Variants in CYBA observed in about 807,000 individuals in gnomAD.
CYBA encodes cytochrome b-245 light chain.
A neutral mutation model predicts 20.8 loss-of-function variants in CYBA; 21 were observed. That is an observed-to-expected ratio of 1.01 (90% CI 0.72 to 1.46). The LOEUF (loss-of-function observed/expected upper bound fraction) is 1.46. Ranked by LOEUF, CYBA falls within the 40% of genes most tolerant of loss-of-function variation. The pLI is 0.00. For missense variants in CYBA, 344 were observed against 287.0 expected (o/e 1.20, Z -1.43); for synonymous variants, 164 against 127.5 (o/e 1.29, Z -1.93).
intron 1 of CYBA, 168 bp downstream of exon 1, chr16:88,650,788 G>A (rs1907493621): frequency 5.8e-6 from 4 of 694,254 alleles, no homozygotes; most frequent in East Asian, 2.7e-5. Context: ...TCCAGCCCGC[G>A]GCCTGAGGGT....
Position 88,646,768 on chromosome 16 carries a change from C to A in CYBA, c.274G>T (p.Val92Phe). The A allele has an allele frequency of 6.2e-7, 1 of 1,613,820 alleles. No homozygotes were observed. The highest frequency in any genetic ancestry group is 8.5e-7 in the Non-Finnish European group (1 of 1,179,862). The change falls in exon 4 of 6, where the codon GTC becomes TTC. Residue 92 changes from valine (V) to phenylalanine (F), a missense_variant. Transcript: ENST00000261623. ...PFTRNYYVRA[V>F]LHLLLSVPAG... Reference sequence around the variant, plus strand: ...ACGGGGACTCACAGGAGATGCAGGACGGCCCGAACATAGTAATTCCTGGTA... The same window carrying A: ...ACGGGGACTCACAGGAGATGCAGGAAGGCCCGAACATAGTAATTCCTGGTA...
At position 88,646,840 on chromosome 16, in the gene CYBA, T is replaced by G. The variant is rs113932941; in HGVS notation, c.204-2A>C. On this transcript the variant is annotated splice_acceptor_variant, in intron 3 of 5. Transcript: ENST00000261623. LOFTEE classifies it high-confidence loss of function. The stretch of plus-strand genomic sequence containing the variant: ...ACGGCGGTCATGTACTTCTGTCCCC[T>G]GGGGGAGGGAGGAAGGCGAGACGGC... The G allele has an allele frequency of 6.2e-7, 1 of 1,611,876 alleles. No individual in the cohort carries two copies. Among genetic ancestry groups the G allele is most frequent in the South Asian group, 1.1e-5 (1 of 91,066 alleles).
chr16:88,648,116 T>G lies in CYBA; in HGVS notation c.59-2A>C. The stretch of plus-strand genomic sequence containing the variant: ...CCACGATGCCCCCGGTGATGAGGAC[T>G]GCGGGGAGAAGTGGGTCAGGCACTG... On this transcript the variant is annotated splice_acceptor_variant, in intron 1 of 5. Transcript: ENST00000261623. LOFTEE classifies it high-confidence loss of function. 1 of 1,610,592 alleles carries G rather than the reference T, an allele frequency of 6.2e-7. No homozygotes were observed. Among genetic ancestry groups the G allele is most frequent in the Non-Finnish European group, 8.5e-7 (1 of 1,179,192 alleles).
At chr16:88,648,466 G>A (rs1483087086) in intron 1 of CYBA, among the ~76,000 whole-genome samples, 3 of 152,226 alleles carry the variant, frequency 2.0e-5, no homozygotes, top group Non-Finnish European at 2.9e-5. Context: ...AACAGGCCGA[G>A]TGTGGTTTCT....
At chr16:88,650,893 C>G (rs1423650951) in intron 1 of CYBA, 63 bp downstream of exon 1, 1 of 1,520,238 alleles carries the variant, frequency 6.6e-7, no homozygotes, top group South Asian at 1.2e-5. Flanking sequence ...GCCCGAGGTC[C>G]CGGCTGGGGT....
At position 88,643,594 on chromosome 16, in the gene CYBA, G is replaced by C. The variant is rs527875741; in HGVS notation, c.370-23C>G. 5.1e-5 allele frequency: 78 copies of C among 1,528,604 alleles called. No homozygotes were observed. The Middle Eastern group carries it at 6.9e-4, about 14-fold the overall frequency. The allele number at this position is 1,528,604 out of a possible 1,614,324, so 94.7% of individuals were successfully genotyped here. ...CGCCTGCGGGGCACTGAAGGGTTGA[G>C]CCGCGCCCCAGCGCCCGCCCTCCCT... On this transcript the variant is annotated intron_variant, in intron 5 of 5. Coordinates refer to ENST00000261623, the MANE Select transcript of CYBA (RefSeq NM_000101.4). This position sits in a 1 kb window ranked among gnomAD's most constrained non-coding sequence, Gnocchi z 4.3.
chr16:88,648,250 C>G, intron 1 of CYBA, 136 bp from the exon 2 acceptor site: 2 of 793,066 alleles, frequency 2.5e-6, no homozygotes, highest in Non-Finnish European at 4.2e-6. Flanking sequence ...GTGACAGGGT[C>G]GGGGACACCC....
Position 88,648,095 on chromosome 16 carries a change from G to C in CYBA, c.78C>G (p.Ile26Met), listed in dbSNP as rs759139349. Residue 26 changes from isoleucine (I) to methionine (M), a missense_variant, in exon 2 of 6, where the codon ATC becomes ATG. Ile to Met is a conservative substitution (Grantham distance 10). Coordinates refer to ENST00000261623, the MANE Select transcript of CYBA (RefSeq NM_000101.4). ...GGGTGAAGCGCCCAGCTGTGGCCAC[G>C]ATGCCCCCGGTGATGAGGACTGCGG... ...ASGLILITGG[I>M]VATAGRFTQW... The C allele has an allele frequency of 1.2e-6, 2 of 1,612,646 alleles. No homozygotes were observed. The highest frequency in any genetic ancestry group is 1.7e-6 in the Non-Finnish European group (2 of 1,179,760).
At position 88,643,376 on chromosome 16, in the gene CYBA, G is replaced by T; in HGVS notation, c.565C>A (p.Pro189Thr). 6.5e-7 allele frequency: 1 copy of T among 1,532,436 alleles called. No homozygotes were observed. 94.9% of individuals were successfully genotyped at this position (1,532,436 alleles called of 1,614,324 possible). A position where few individuals can be genotyped will look rare whatever the true frequency, so the allele number is the denominator to read the frequency against. The part of the protein sequence containing the change: ...PPGGPQVNPI[P>T]VTDEVV ...GGTCACACGACCTCGTCGGTCACCG[G>T]GATGGGGTTGACCTGGGGACCTCCC... Residue 189 changes from proline to threonine, a missense_variant, in exon 6 of 6, where the codon CCG becomes ACG. By Grantham distance (38) the Pro-to-Thr change is conservative. Coordinates refer to ENST00000261623, the MANE Select transcript of CYBA (RefSeq NM_000101.4). This position sits in a 1 kb window ranked among gnomAD's most constrained non-coding sequence, Gnocchi z 4.3.
chr16:88,646,928 G>C (rs1907309368), intron 3 of CYBA, 90 bp from the exon 4 acceptor site: 6 of 1,256,686 alleles, frequency 4.8e-6, no homozygotes, highest in Non-Finnish European at 6.9e-6. Context: ...AGGGCACCCA[G>C]GCCTCTTTCC....
At chr16:88,649,136 A>G (rs1451210626) in intron 1 of CYBA, among the ~76,000 whole-genome samples, 1 of 149,148 alleles carries the variant, frequency 6.7e-6, no homozygotes, top group Non-Finnish European at 1.5e-5. Context: ...ACGGGGTTTC[A>G]CTGTGTTAGC....
At position 88,645,793 on chromosome 16, in the gene CYBA, G is replaced by GATAA. The variant is rs1165291856; in HGVS notation, c.369+322_369+323insTTAT. 4 of 544,392 alleles carry GATAA rather than the reference G, an allele frequency of 7.3e-6. No homozygotes were observed. In the African/African-American group the frequency reaches 7.5e-5, roughly 10 times the overall value. 33.7% of individuals were successfully genotyped at this position (544,392 alleles called of 1,614,324 possible). On this transcript the variant is annotated intron_variant, in intron 5 of 5. Coordinates refer to ENST00000261623, the MANE Select transcript of CYBA (RefSeq NM_000101.4). ...GCGCAGGCACGGTCTTCGGCCGGCT[G>GATAA]CGTGACCCCAGGCCAGTCACAGCAC... is the stretch of plus-strand genomic sequence containing the variant.
At chr16:88,649,147 C>G (rs1297120990) in intron 1 of CYBA, among the ~76,000 whole-genome samples, 1 of 151,702 alleles carries the variant, frequency 6.6e-6, no homozygotes, top group South Asian at 2.1e-4. Context: ...CTGTGTTAGC[C>G]AGGATGGTCT....
chr16:88,647,159 C>G lies in CYBA; in HGVS notation c.145G>C (p.Val49Leu). 1 of 1,609,206 alleles carries G rather than the reference C, an allele frequency of 6.2e-7. No individual in the cohort carries two copies. Among genetic ancestry groups the G allele is most frequent in the South Asian group, 1.1e-5 (1 of 90,832 alleles). The stretch of plus-strand genomic sequence containing the variant: ...CCCCGGGGGTACTCCAGCAGGCACA[C>G]AAACACGCCCGCCACACTGAAGCCA... ...GAYSIVAGVF[V>L]CLLEYPRGKR... The change falls in exon 3 of 6, where the codon GTG becomes CTG. Residue 49 changes from valine to leucine, a missense_variant. Val to Leu is a conservative substitution (Grantham distance 32). Coordinates refer to ENST00000261623, the MANE Select transcript of CYBA (RefSeq NM_000101.4).
At chr16:88,648,160 G>C in intron 1 of CYBA, 46 bp from the exon 2 acceptor site, 1 of 1,558,442 alleles carries the variant, frequency 6.4e-7, no homozygotes, top group Non-Finnish European at 8.7e-7. Flanking sequence ...CCGTCCCGGG[G>C]GCCTGGGCCA....
At position 88,648,101 on chromosome 16, in the gene CYBA, C is replaced by T; in HGVS notation, c.72G>A (p.Gly24=). ...ALASGLILIT[G]GIVATAGRFT... is the part of the protein sequence containing the mutation. ...AGCGCCCAGCTGTGGCCACGATGCC[C>T]CCGGTGATGAGGACTGCGGGGAGAA... Residue 24 remains glycine (G), a synonymous_variant, in exon 2 of 6, where the codon GGG becomes GGA. Transcript: ENST00000261623. 1 of 1,612,452 alleles carries T rather than the reference C, an allele frequency of 6.2e-7. No individual in the cohort carries two copies. Among genetic ancestry groups the T allele is most frequent in the South Asian group, 1.1e-5 (1 of 90,756 alleles).
chr16:88,648,937 C>CT (rs35341429), intron 1 of CYBA, among the ~76,000 whole-genome samples: 32,378 of 119,610 alleles, frequency 0.27, 4,923 homozygotes, highest in East Asian at 0.42. Context: ...TATTTTATTT[C>CT]TTTTTTTTTT....
chr16:88,648,180 T>C, intron 1 of CYBA, 66 bp from the exon 2 acceptor site: 2 of 1,498,782 alleles, frequency 1.3e-6, no homozygotes, highest in Non-Finnish European at 1.8e-6. Flanking sequence ...ACCCCCCTTC[T>C]CTACCTACTG....
In CYBA at chr16:88,646,769, G is replaced by A. The variant is rs765593188; in HGVS notation, c.273C>T (p.Ala91=). 6.2e-6 allele frequency: 10 copies of A among 1,613,824 alleles called. No individual in the cohort carries two copies. Among genetic ancestry groups the A allele is most frequent in the Middle Eastern group, 1.6e-4 (1 of 6,062 alleles). ...CGGGGACTCACAGGAGATGCAGGAC[G>A]GCCCGAACATAGTAATTCCTGGTAA... The part of the protein sequence containing the change: ...GPFTRNYYVR[A]VLHLLLSVPA... Residue 91 remains alanine (A), a synonymous_variant, in exon 4 of 6, where the codon GCC becomes GCT. Transcript: ENST00000261623.
Sources: gnomAD v4.1 joint callset for allele counts (sites outside exome capture counted in the v4.1 genomes callset) on GRCh38, gnomAD v4.1.1 for gene constraint, Gnocchi (gnomAD v3.1) non-coding constraint, MANE v1.5 for transcripts, NCBI Gene and HGNC (gene_info 2026-07-23, HGNC 2026-07-21) for gene names.